UBXN2B: variants seen among roughly 807,000 people sequenced by gnomAD.
UBXN2B encodes UBX domain protein 2B, also known as UBX domain-containing protein 2B.
UBXN2B carries 19 observed loss-of-function variants against 37.5 expected under a neutral mutation model. The observed-to-expected ratio is 0.51, with a 90% CI of 0.35 to 0.74. UBXN2B has a LOEUF of 0.74. UBXN2B is among the 30% of genes least tolerant of loss of function. The pLI, the probability that UBXN2B is intolerant of heterozygous loss-of-function variation, is 0.01. For synonymous variants in UBXN2B, 145 were observed against 143.8 expected (o/e 1.01, Z -0.06); for missense variants, 370 against 393.2 (o/e 0.94, Z 0.50).
intron 6 of UBXN2B, among the ~76,000 whole-genome samples, chr8:58,444,749 G>GT (rs1808631398): frequency 6.6e-6 from 1 of 152,134 alleles, no homozygotes. Flanking sequence ...ATCATTTATT[G>GT]TAAGTCATAA....
chr8:58,445,763 G>C (rs1259897625), intron 6 of UBXN2B, 144 bp from the exon 7 acceptor site: 1 of 657,208 alleles, frequency 1.5e-6, no homozygotes, highest in Non-Finnish European at 2.2e-6. Flanking sequence ...AGAATCGTAG[G>C]ATCCAAAATA....
chr8:58,422,927 G>A (rs1807965483), intron 2 of UBXN2B, among the ~76,000 whole-genome samples: 1 of 152,178 alleles, frequency 6.6e-6, no homozygotes, highest in African/African-American at 2.4e-5. Flanking sequence ...AATATCCTTG[G>A]TTTTCCATGG....
At chr8:58,423,210 C>G (rs10110824) in intron 2 of UBXN2B, among the ~76,000 whole-genome samples, 24,748 of 152,010 alleles carry the variant, frequency 0.16, 2,201 homozygotes, top group African/African-American at 0.23. Context: ...CTCTTGGGAG[C>G]TCTGAGCTTC....
At chr8:58,418,485 C>G (rs1807842980) in intron 2 of UBXN2B, among the ~76,000 whole-genome samples, 1 of 152,072 alleles carries the variant, frequency 6.6e-6, no homozygotes, top group South Asian at 2.1e-4. Flanking sequence ...TTTAGAGAGT[C>G]TAGGCCAGAT....
intron 6 of UBXN2B, among the ~76,000 whole-genome samples, chr8:58,441,037 G>T (rs1808527806): frequency 2.0e-5 from 3 of 150,462 alleles, no homozygotes; most frequent in Middle Eastern, 3.4e-3. Flanking sequence ...CTGTTGCCCA[G>T]ACTGGAGTAC....
At chr8:58,439,004 A>C (rs1323054690) in intron 5 of UBXN2B, among the ~76,000 whole-genome samples, 3 of 152,054 alleles carry the variant, frequency 2.0e-5, no homozygotes, top group Non-Finnish European at 4.4e-5. Flanking sequence ...CTGGTTGTTT[A>C]ATAGCCTGGA....
rs1308353879 is a variant in UBXN2B, at chr8:58,448,431, C to A, written c.*880C>A. On this transcript the variant is annotated 3_prime_UTR_variant, in exon 8 of 8. Coordinates refer to ENST00000399598, the MANE Select transcript of UBXN2B (RefSeq NM_001077619.2). ...TCAGGTGATCCACCCACCTCAGCCT[C>A]CCAAAGTGCTGGGATTACAGGCATG... is the stretch of plus-strand genomic sequence containing the variant. The A allele has an allele frequency of 6.6e-6, 1 of 152,250 alleles. No homozygotes were observed. The highest frequency in any genetic ancestry group is 1.5e-5 in the Non-Finnish European group (1 of 68,090). 9.4% of individuals were successfully genotyped at this position (152,250 alleles called of 1,614,324 possible).
chr8:58,429,998 G>C (rs918868313), intron 2 of UBXN2B, among the ~76,000 whole-genome samples: 5 of 152,128 alleles, frequency 3.3e-5, no homozygotes, highest in African/African-American at 1.2e-4. Context: ...AACAAACGCA[G>C]GGGCTTTTAA....
intron 5 of UBXN2B, among the ~76,000 whole-genome samples, chr8:58,438,040 G>A (rs1434994999): frequency 6.6e-6 from 1 of 151,050 alleles, no homozygotes; most frequent in East Asian, 2.0e-4. Flanking sequence ...GCCCTGTGCA[G>A]CCTCTGGACA....
chr8:58,432,413 C>T (rs1286245800), intron 3 of UBXN2B, among the ~76,000 whole-genome samples: 6 of 119,108 alleles, frequency 5.0e-5, no homozygotes, highest in Non-Finnish European at 9.6e-5. Context: ...GACAGGGTCT[C>T]GCTCTGTTGC....
intron 3 of UBXN2B, among the ~76,000 whole-genome samples, chr8:58,432,686 A>G (rs976930387): frequency 2.0e-5 from 3 of 152,130 alleles, no homozygotes; most frequent in South Asian, 2.1e-4. Context: ...TACAGCTTTT[A>G]TAATTGTTAC....
At chr8:58,414,821 A>G (rs1026359621) in intron 1 of UBXN2B, among the ~76,000 whole-genome samples, 6 of 152,034 alleles carry the variant, frequency 3.9e-5, no homozygotes, top group Admixed American at 2.0e-4. Flanking sequence ...TTTTCCTCAT[A>G]TTCCTCTTTT....
At chr8:58,441,447 C>A (rs1295292327) in intron 6 of UBXN2B, among the ~76,000 whole-genome samples, 2 of 149,892 alleles carry the variant, frequency 1.3e-5, no homozygotes, top group Admixed American at 6.6e-5. Context: ...CCCATTTTTA[C>A]TTAATATTTA....
intron 4 of UBXN2B, among the ~76,000 whole-genome samples, chr8:58,433,611 T>TAAAAAA (rs34836809): frequency 8.5e-6 from 1 of 118,042 alleles, no homozygotes. Context: ...CCTATCTCTT[T>TAAAAAA]AAAAAAAAAA....
intron 2 of UBXN2B, among the ~76,000 whole-genome samples, chr8:58,427,504 G>A (rs191578255): frequency 3.0e-4 from 45 of 152,292 alleles, no homozygotes; most frequent in African/African-American, 1.1e-3. Context: ...TAGTGTCAAT[G>A]GAACGGAGAG....
chr8:58,437,351 C>T (rs1179354211), intron 5 of UBXN2B, among the ~76,000 whole-genome samples: 17 of 96,056 alleles, frequency 1.8e-4, no homozygotes, highest in African/African-American at 6.2e-4. Context: ...TTTTTGGAGA[C>T]GATTCATGCT....
intron 4 of UBXN2B, 26 bp from the exon 5 acceptor site, chr8:58,434,369 A>ATTTTT (rs3080297): frequency 9.8e-6 from 3 of 306,490 alleles, no homozygotes; most frequent in Admixed American, 9.3e-5. Context: ...ATATATATAT[A>ATTTTT]TTTTTTTTTT....
chr8:58,421,225 A>G (rs1352689331), intron 2 of UBXN2B, among the ~76,000 whole-genome samples: 1 of 152,204 alleles, frequency 6.6e-6, no homozygotes, highest in Admixed American at 6.5e-5. Context: ...ACACCAAGAA[A>G]GTCCTACACA....
chr8:58,416,127 TA>T (rs1807776704), intron 1 of UBXN2B, among the ~76,000 whole-genome samples: 1 of 151,676 alleles, frequency 6.6e-6, no homozygotes, highest in Non-Finnish European at 1.5e-5. Flanking sequence ...ACAGGAGCAT[TA>T]AAGAAAGTTG....
Sources: gnomAD v4.1 joint callset for allele counts (sites outside exome capture counted in the v4.1 genomes callset) on GRCh38, gnomAD v4.1.1 for gene constraint, MANE v1.5 for transcripts, NCBI Gene and HGNC (gene_info 2026-07-23, HGNC 2026-07-21) for gene names.